Variants in FAM53B observed in about 807,000 individuals in gnomAD.
FAM53B encodes protein FAM53B.
FAM53B carries 12 observed loss-of-function variants against 32.7 expected under a neutral mutation model. That is an observed-to-expected ratio of 0.37 (90% CI 0.24 to 0.59). FAM53B has a LOEUF of 0.59. Ranked by LOEUF, FAM53B falls within the 20% of genes least tolerant of loss-of-function variation. The pLI is 0.72. For synonymous variants in FAM53B, 234 were observed against 228.7 expected (o/e 1.02, Z -0.21); for missense variants, 477 against 577.7 (o/e 0.83, Z 1.79).
Position 124,619,668 on chromosome 10 carries a change from A to AATC in FAM53B, c.*3571_*3573dup, listed in dbSNP as rs1554900805. 2.6e-5 allele frequency: 4 copies of AATC among 152,512 alleles called. No homozygotes were observed. Among genetic ancestry groups the AATC allele is most frequent in the Non-Finnish European group, 5.9e-5 (4 of 68,012 alleles). The allele number at this position is 152,512 out of a possible 1,614,324, so 9.4% of individuals were successfully genotyped here. ...TCGGTCTGCCATTAAAAAAAAAAAA[A>AATC]ATCTTTCTCTTCTTTTCTCTTTAAA... On this transcript the variant is annotated 3_prime_UTR_variant, in exon 5 of 5. Coordinates refer to ENST00000337318, the MANE Select transcript of FAM53B (RefSeq NM_014661.4).
At chr10:124,632,368 G>A (rs1319261556) in intron 4 of FAM53B, among the ~76,000 whole-genome samples, 1 of 152,274 alleles carries the variant, frequency 6.6e-6, no homozygotes, top group Non-Finnish European at 1.5e-5. Flanking sequence ...GGCGTGAAGA[G>A]AATTCTTTGC....
At chr10:124,736,664 C>T (rs1350348858) in intron 1 of FAM53B, among the ~76,000 whole-genome samples, 1 of 152,258 alleles carries the variant, frequency 6.6e-6, no homozygotes, top group African/African-American at 2.4e-5. Flanking sequence ...AGCCAGAGGG[C>T]AGCCTGGGAG....
chr10:124,625,780 T>C (rs1563276), intron 4 of FAM53B, among the ~76,000 whole-genome samples: 72,233 of 152,130 alleles, frequency 0.47, 17,978 homozygotes, highest in Non-Finnish European at 0.56. Flanking sequence ...AGGGGCAAGA[T>C]GGCCCAGCCT....
chr10:124,741,057 A>G (rs982954972), intron 1 of FAM53B, among the ~76,000 whole-genome samples: 3 of 152,172 alleles, frequency 2.0e-5, no homozygotes, highest in African/African-American at 7.2e-5. Flanking sequence ...TCAAAACACC[A>G]CTGGGGTTTG....
chr10:124,629,491 A>AG (rs1399717547), intron 4 of FAM53B, among the ~76,000 whole-genome samples: 2 of 152,190 alleles, frequency 1.3e-5, no homozygotes, highest in Admixed American at 6.5e-5. Flanking sequence ...GCCATCAACA[A>AG]GCCCAACTCA....
intron 4 of FAM53B, among the ~76,000 whole-genome samples, chr10:124,657,707 GAAT>G (rs1228312554): frequency 6.6e-6 from 1 of 152,216 alleles, no homozygotes; most frequent in Non-Finnish European, 1.5e-5. Flanking sequence ...CTACTAACAA[GAAT>G]ATTACCATTT....
In FAM53B at chr10:124,744,028, G is replaced by C. The variant is rs1425750659; in HGVS notation, c.-190C>G. On this transcript the variant is annotated 5_prime_UTR_variant, in exon 1 of 5. Coordinates refer to ENST00000337318, the MANE Select transcript of FAM53B (RefSeq NM_014661.4). ...GGTCGCTTACTGTGCGCGGCGGGGC[G>C]CTCCGGGCGCGGACCCCGCGCCGTC... 2 of 147,072 alleles carry C rather than the reference G, an allele frequency of 1.4e-5. No individual in the cohort carries two copies. Among genetic ancestry groups the C allele is most frequent in the African/African-American group, 4.9e-5 (2 of 40,736 alleles). The allele number at this position is 147,072 out of a possible 1,614,324, so 9.1% of individuals were successfully genotyped here. A position where few individuals can be genotyped will look rare whatever the true frequency, so the allele number is the denominator to read the frequency against.
chr10:124,632,921 T>C (rs4962673), intron 4 of FAM53B, among the ~76,000 whole-genome samples: 144,318 of 152,294 alleles, frequency 0.95, 68,797 homozygotes, highest in Non-Finnish European at 1. Context: ...GGGTGTGCCC[T>C]GAGGGAACTT....
intron 1 of FAM53B, among the ~76,000 whole-genome samples, chr10:124,735,145 A>AACAAAGATGCCCACT: frequency 6.6e-6 from 1 of 152,270 alleles, no homozygotes; most frequent in South Asian, 2.1e-4. Context: ...AAGAACAAAA[A>AACAAAGATGCCCACT]ACAAAGATGC....
chr10:124,664,951 C>G (rs1300128537), intron 4 of FAM53B, among the ~76,000 whole-genome samples: 1 of 152,216 alleles, frequency 6.6e-6, no homozygotes, highest in Non-Finnish European at 1.5e-5. Flanking sequence ...AGGTTGGCTC[C>G]CCAAGGACAA....
chr10:124,736,133 C>T (rs1406637757), intron 1 of FAM53B, among the ~76,000 whole-genome samples: 1 of 152,264 alleles, frequency 6.6e-6, no homozygotes, highest in Non-Finnish European at 1.5e-5. Flanking sequence ...ACGCCCATTG[C>T]AAGGGGCTTC....
chr10:124,733,651 C>T lies in FAM53B; in HGVS notation c.-175+10362G>A, dbSNP rs1207097175. Among the ~76,000 whole-genome samples, 5 of 152,224 alleles carry T rather than the reference C, an allele frequency of 3.3e-5. No homozygotes were observed. The highest frequency in any genetic ancestry group is 1.2e-4 in the African/African-American group (5 of 41,456). On this transcript the variant is annotated intron_variant, in intron 1 of 4. Transcript: ENST00000337318. This position sits in a 1 kb window ranked among gnomAD's most constrained non-coding sequence, Gnocchi z 4.3. ...TGGAAGCTCTTGGGAATCCCAAGGG[C>T]GCCTGCTAAATGCGAGAGTTTTGTC...
At chr10:124,659,100 C>T (rs1379817718) in intron 4 of FAM53B, among the ~76,000 whole-genome samples, 1 of 152,160 alleles carries the variant, frequency 6.6e-6, no homozygotes, top group African/African-American at 2.4e-5. Context: ...CTGACGTGCA[C>T]CCACCCCTTC....
chr10:124,640,353 T>C (rs1178098211), intron 4 of FAM53B, among the ~76,000 whole-genome samples: 2 of 152,184 alleles, frequency 1.3e-5, no homozygotes, highest in African/African-American at 4.8e-5. Flanking sequence ...AGCCAAGCCT[T>C]GGCCCAGAAA....
intron 4 of FAM53B, among the ~76,000 whole-genome samples, chr10:124,670,641 T>A (rs1949702484): frequency 6.6e-6 from 1 of 152,178 alleles, no homozygotes; most frequent in African/African-American, 2.4e-5. Flanking sequence ...GGGCTTGCCT[T>A]CCCTCTACTC....
intron 4 of FAM53B, among the ~76,000 whole-genome samples, chr10:124,649,544 C>T (rs941266059): frequency 8.5e-5 from 13 of 152,216 alleles, no homozygotes; most frequent in African/African-American, 3.1e-4. Flanking sequence ...AAGGTATTGC[C>T]AAAATCCCAG....
In FAM53B at chr10:124,733,302, G is replaced by A. The variant is rs1006206873; in HGVS notation, c.-175+10711C>T. Among the ~76,000 whole-genome samples the A allele has an allele frequency of 3.6e-4, 55 of 152,122 alleles. 1 individual carries two copies. Among genetic ancestry groups the A allele is most frequent in the African/African-American group, 1.3e-3 (52 of 41,422 alleles). On this transcript the variant is annotated intron_variant, in intron 1 of 4. Coordinates refer to ENST00000337318, the MANE Select transcript of FAM53B (RefSeq NM_014661.4). This position sits in a 1 kb window ranked among gnomAD's most constrained non-coding sequence, Gnocchi z 4.3. ...CAGGTCACATGCCACACAGTCAACG[G>A]GGCCTGGAATCTGGGCTGGCATCTG... is the stretch of plus-strand genomic sequence containing the variant.
chr10:124,716,125 C>T (rs1205259725), intron 1 of FAM53B, among the ~76,000 whole-genome samples: 1 of 152,190 alleles, frequency 6.6e-6, no homozygotes, highest in Non-Finnish European at 1.5e-5. Flanking sequence ...GCATACTCAC[C>T]CCTTCCTCAT....
At chr10:124,670,107 G>A (rs1370180584) in intron 4 of FAM53B, among the ~76,000 whole-genome samples, 1 of 152,142 alleles carries the variant, frequency 6.6e-6, no homozygotes, top group African/African-American at 2.4e-5. Flanking sequence ...AGACACCCCT[G>A]TGAGCCTCAG....
Sources: gnomAD v4.1 joint callset for allele counts (sites outside exome capture counted in the v4.1 genomes callset) on GRCh38, gnomAD v4.1.1 for gene constraint, Gnocchi (gnomAD v3.1) non-coding constraint, MANE v1.5 for transcripts, NCBI Gene and HGNC (gene_info 2026-07-23, HGNC 2026-07-21) for gene names.